Variants in TAFA1 observed in about 807,000 individuals in gnomAD.
TAFA1 encodes the protein chemokine-like protein TAFA-1.
In TAFA1, 4 loss-of-function variants were observed where a neutral mutation model predicts 18.5. That is an observed-to-expected ratio of 0.22 (90% CI 0.11 to 0.49). The LOEUF (loss-of-function observed/expected upper bound fraction) is 0.49. Among genes scored for constraint, TAFA1 ranks in the 20% least tolerant of loss-of-function variants. The pLI, the probability that TAFA1 is intolerant of heterozygous loss-of-function variation, is 0.98. For synonymous variants in TAFA1, 56 were observed against 55.2 expected, an observed-to-expected ratio of 1.01 and a Z score of -0.06; for missense variants, 147 against 169.0, an observed-to-expected ratio of 0.87 and a Z score of 0.72.
chr3:68,087,350 A>G (rs868033291), intron 2 of TAFA1, among the ~76,000 whole-genome samples: 4 of 152,198 alleles, frequency 2.6e-5, no homozygotes, highest in Non-Finnish European at 4.4e-5. Flanking sequence ...GAGGTTGCCA[A>G]TGAAATTTGA....
intron 2 of TAFA1, among the ~76,000 whole-genome samples, chr3:68,055,098 T>C (rs1390816485): frequency 6.6e-6 from 1 of 151,780 alleles, no homozygotes; most frequent in Non-Finnish European, 1.5e-5. Context: ...TGGGGAAGTA[T>C]GAAAGGAAAG....
intron 2 of TAFA1, among the ~76,000 whole-genome samples, chr3:68,223,691 T>C (rs2066760204): frequency 6.6e-6 from 1 of 152,112 alleles, no homozygotes; most frequent in East Asian, 1.9e-4. Context: ...ATGTTCACTG[T>C]TGGGATAAGG....
chr3:68,391,171 C>A (rs2070233502), intron 2 of TAFA1, among the ~76,000 whole-genome samples: 3 of 152,090 alleles, frequency 2.0e-5, no homozygotes, highest in Admixed American at 2.0e-4. Flanking sequence ...ACATAAATGA[C>A]CTGATGGAGC....
chr3:68,383,966 G>A (rs2070035450), intron 2 of TAFA1, among the ~76,000 whole-genome samples: 1 of 152,022 alleles, frequency 6.6e-6, no homozygotes, highest in African/African-American at 2.4e-5. Flanking sequence ...TATGTGCATA[G>A]AGGTATTCAT....
intron 2 of TAFA1, among the ~76,000 whole-genome samples, chr3:68,411,957 G>T (rs1331287997): frequency 1.3e-5 from 2 of 152,130 alleles, no homozygotes; most frequent in East Asian, 1.9e-4. Context: ...GTCCTGTGGG[G>T]TTCCACTGTG....
At chr3:67,998,001 A>G in the TAFA1 span, among the ~76,000 whole-genome samples, 1 of 152,070 alleles carries the variant, frequency 6.6e-6, no homozygotes, top group Non-Finnish European at 1.5e-5. Context: ...ATAAAATATG[A>G]AAAATACAAT....
At chr3:68,430,626 C>G (rs1029219182) in intron 3 of TAFA1, among the ~76,000 whole-genome samples, 3 of 151,946 alleles carry the variant, frequency 2.0e-5, no homozygotes, top group Non-Finnish European at 4.4e-5. Context: ...AAGTGTCTGA[C>G]AACAGATTTC....
chr3:68,188,522 TAGAGAG>T (rs56352696), intron 2 of TAFA1, among the ~76,000 whole-genome samples: 5 of 143,950 alleles, frequency 3.5e-5, no homozygotes, highest in Admixed American at 2.1e-4. Flanking sequence ...TATATATATA[TAGAGAG>T]AGAGAGAGAG....
At chr3:68,181,122 A>G (rs538698507) in intron 2 of TAFA1, among the ~76,000 whole-genome samples, 3 of 152,288 alleles carry the variant, frequency 2.0e-5, no homozygotes, top group Admixed American at 6.5e-5. Flanking sequence ...CAACAAGCAC[A>G]TGAGTGAGTA....
chr3:68,354,824 A>G (rs2069332574), intron 2 of TAFA1, among the ~76,000 whole-genome samples: 1 of 151,910 alleles, frequency 6.6e-6, no homozygotes, highest in Non-Finnish European at 1.5e-5. Flanking sequence ...AAGGGATGGA[A>G]GAGATAAACT....
chr3:68,171,254 A>T (rs2066049839), intron 2 of TAFA1, among the ~76,000 whole-genome samples: 1 of 40,654 alleles, frequency 2.5e-5, no homozygotes, highest in Non-Finnish European at 5.4e-5. Flanking sequence ...TTAATGACTT[A>T]GAAGATAGAA....
intron 2 of TAFA1, among the ~76,000 whole-genome samples, chr3:68,345,285 C>A (rs917391122): frequency 1.3e-5 from 2 of 152,152 alleles, no homozygotes; most frequent in Non-Finnish European, 2.9e-5. Flanking sequence ...CAGATCTAAT[C>A]CTTACCTCGT....
At chr3:68,119,812 C>T (rs1020901238) in intron 2 of TAFA1, among the ~76,000 whole-genome samples, 5 of 152,098 alleles carry the variant, frequency 3.3e-5, no homozygotes, top group East Asian at 1.9e-4. Flanking sequence ...AGTGTGGGAC[C>T]GTCAACCTTT....
intron 2 of TAFA1, among the ~76,000 whole-genome samples, chr3:68,287,145 A>T (rs372439608): frequency 6.6e-6 from 1 of 152,226 alleles, no homozygotes; most frequent in East Asian, 1.9e-4. Flanking sequence ...CCCTCAGTTA[A>T]TTTACTTTCC....
intron 2 of TAFA1, among the ~76,000 whole-genome samples, chr3:68,073,630 CATA>C (rs1177503382): frequency 6.6e-6 from 1 of 152,122 alleles, no homozygotes; most frequent in Non-Finnish European, 1.5e-5. Context: ...AAACTGTTTC[CATA>C]TTTAAAAGAT....
the TAFA1 span, among the ~76,000 whole-genome samples, chr3:67,996,982 A>G: frequency 2.0e-5 from 3 of 151,882 alleles, no homozygotes; most frequent in Admixed American, 6.6e-5. Context: ...AGTGTAGAGG[A>G]GGGATCTCTA....
intron 2 of TAFA1, among the ~76,000 whole-genome samples, chr3:68,224,865 T>C (rs1175277462): frequency 6.6e-6 from 1 of 151,482 alleles, no homozygotes; most frequent in African/African-American, 2.4e-5. Context: ...CCCTTGCTGT[T>C]TGACTTTTCC....
At chr3:68,414,101 T>A (rs554059352) in intron 2 of TAFA1, among the ~76,000 whole-genome samples, 2 of 152,090 alleles carry the variant, frequency 1.3e-5, no homozygotes, top group Admixed American at 1.3e-4. Flanking sequence ...GGTCGGGAGT[T>A]CGAGACCATC....
chr3:68,520,976 G>A (rs1394277892), intron 3 of TAFA1, among the ~76,000 whole-genome samples: 1 of 152,144 alleles, frequency 6.6e-6, no homozygotes, highest in Non-Finnish European at 1.5e-5. Flanking sequence ...GTGTTAGGTG[G>A]CAAGTAGCAG....
Sources: gnomAD v4.1 joint callset for allele counts (sites outside exome capture counted in the v4.1 genomes callset) on GRCh38, gnomAD v4.1.1 for gene constraint, MANE v1.5 for transcripts, NCBI Gene and HGNC (gene_info 2026-07-23, HGNC 2026-07-21) for gene names.